The following RIMS2 variants were observed in gnomAD, a reference collection of about 807,000 sequenced individuals.
The protein encoded by RIMS2 is regulating synaptic membrane exocytosis protein 2.
RIMS2 carries 59 observed loss-of-function variants against 174.4 expected under a neutral mutation model. That is an observed-to-expected ratio of 0.34 (90% CI 0.27 to 0.42). The LOEUF (loss-of-function observed/expected upper bound fraction) is 0.42, where lower values mean the gene tolerates loss of function less well. RIMS2 is among the 10% of genes least tolerant of loss of function. The probability of loss-of-function intolerance (pLI) is 1.00; values close to 1 mark genes in which losing one functional copy is unlikely to be tolerated. For synonymous variants in RIMS2, 606 were observed against 572.5 expected (o/e 1.06, Z -0.84); for missense variants, 1,620 against 1,666.3 (o/e 0.97, Z 0.48).
chr8:104,007,095 T>C (rs553710866), intron 17 of RIMS2, among the ~76,000 whole-genome samples: 8 of 152,174 alleles, frequency 5.3e-5, no homozygotes, highest in Admixed American at 1.3e-4. Context: ...AGTTTGCTCA[T>C]TTCTAAAGTG....
intron 19 of RIMS2, among the ~76,000 whole-genome samples, chr8:104,192,033 T>C (rs2099000506): frequency 6.6e-6 from 1 of 152,198 alleles, no homozygotes; most frequent in Non-Finnish European, 1.5e-5. Flanking sequence ...CACTATACTA[T>C]GTATGAGCCA....
chr8:103,576,267 G>A (rs748380865), intron 1 of RIMS2, among the ~76,000 whole-genome samples: 3 of 152,158 alleles, frequency 2.0e-5, no homozygotes, highest in South Asian at 2.1e-4. Flanking sequence ...GTGCCAAAAC[G>A]GTGGCAGCAA....
In RIMS2 at chr8:103,552,527, A is replaced by T. The variant is rs954803750; in HGVS notation, c.176+51465A>T. ...GAAAACCTAGGCAATAGCATTCAGG[A>T]CATAAGCATGGGCAAGGACTTCATG... On this transcript the variant is annotated intron_variant, in intron 1 of 23. Transcript: ENST00000504942. Among the ~76,000 whole-genome samples the T allele has an allele frequency of 3.7e-4, 57 of 152,250 alleles. 1 individual carries two copies. Among genetic ancestry groups the T allele is most frequent in the Admixed American group, 1.3e-4 (2 of 15,288 alleles).
chr8:104,044,473 G>T (rs1200272803), intron 19 of RIMS2, among the ~76,000 whole-genome samples: 1 of 150,784 alleles, frequency 6.6e-6, no homozygotes, highest in African/African-American at 2.4e-5. Flanking sequence ...ACTTGGTTGG[G>T]AGAATTTGAA....
intron 19 of RIMS2, among the ~76,000 whole-genome samples, chr8:104,143,661 A>T (rs1409103983): frequency 6.6e-6 from 1 of 152,194 alleles, no homozygotes; most frequent in African/African-American, 2.4e-5. Context: ...TGAACAGTAC[A>T]AGCCTTATCA....
chr8:104,013,513 G>A (rs776394480), exon 18 of RIMS2: 28 of 1,613,746 alleles, frequency 1.7e-5, no homozygotes, highest in East Asian at 4.5e-5. Flanking sequence ...CTCCTTGAGC[G>A]GACCACCACC....
intron 14 of RIMS2, among the ~76,000 whole-genome samples, chr8:103,959,937 A>G (rs1401053269): frequency 6.6e-6 from 1 of 152,190 alleles, no homozygotes. Flanking sequence ...CATCACAATT[A>G]AAAGAACTAG....
intron 3 of RIMS2, among the ~76,000 whole-genome samples, chr8:103,857,853 A>G (rs1309788562): frequency 6.6e-6 from 1 of 152,208 alleles, no homozygotes; most frequent in East Asian, 1.9e-4. Flanking sequence ...CAAAAAGCTC[A>G]TCTTTTCATT....
At chr8:103,740,890 A>G (rs1242511992) in intron 2 of RIMS2, among the ~76,000 whole-genome samples, 1 of 152,002 alleles carries the variant, frequency 6.6e-6, no homozygotes, top group African/African-American at 2.4e-5. Flanking sequence ...TTTTTATTGA[A>G]TTTTTATTTA....
At chr8:103,547,873 T>C (rs938181651) in intron 1 of RIMS2, among the ~76,000 whole-genome samples, 1 of 152,040 alleles carries the variant, frequency 6.6e-6, no homozygotes, top group Non-Finnish European at 1.5e-5. Context: ...TCAGAAACTA[T>C]GATGAACACC....
chr8:104,173,920 G>GATTTATTTATTTATTTATTT (rs71297263), intron 19 of RIMS2, among the ~76,000 whole-genome samples: 9 of 139,018 alleles, frequency 6.5e-5, no homozygotes, highest in Admixed American at 2.9e-4. Flanking sequence ...AATGTTAAAG[G>GATTTATTTATTTATTTATTT]ATTTATTTAT....
chr8:103,961,055 T>C lies in RIMS2; in HGVS notation c.2702-10T>C. 1 of 1,381,888 alleles carries C rather than the reference T, an allele frequency of 7.2e-7. No homozygotes were observed. Among genetic ancestry groups the C allele is most frequent in the Admixed American group, 1.7e-5 (1 of 58,802 alleles). 85.6% of individuals were successfully genotyped at this position (1,381,888 alleles called of 1,614,324 possible). A position where few individuals can be genotyped will look rare whatever the true frequency, so the allele number is the denominator to read the frequency against. On this transcript the variant is annotated splice_polypyrimidine_tract_variant and intron_variant, in intron 14 of 23. Transcript: ENST00000504942. ...AGAATTTTTAATTATTGCTATTGTT[T>C]ACTTTATAGGGTCAAAGAGAATAAG...
chr8:103,892,610 A>G (rs2154521896), intron 4 of RIMS2, among the ~76,000 whole-genome samples: 1 of 152,238 alleles, frequency 6.6e-6, no homozygotes, highest in East Asian at 1.9e-4. Flanking sequence ...ATCTTATGCT[A>G]AATAATTATT....
At chr8:103,742,966 T>C (rs763244475) in intron 2 of RIMS2, among the ~76,000 whole-genome samples, 13 of 152,194 alleles carry the variant, frequency 8.5e-5, no homozygotes, top group Non-Finnish European at 1.9e-4. Context: ...TAAGATAGCG[T>C]ACCATGAACA....
At chr8:104,033,936 T>G (rs1044147815) in intron 19 of RIMS2, among the ~76,000 whole-genome samples, 1 of 152,174 alleles carries the variant, frequency 6.6e-6, no homozygotes, top group Non-Finnish European at 1.5e-5. Flanking sequence ...GAGTTATTTC[T>G]CTTATGTTTA....
At chr8:104,081,961 G>A (rs1218518493) in intron 19 of RIMS2, among the ~76,000 whole-genome samples, 7 of 151,944 alleles carry the variant, frequency 4.6e-5, no homozygotes, top group Non-Finnish European at 7.4e-5. Flanking sequence ...TGTTTTTTAA[G>A]GCATTTGAAT....
intron 4 of RIMS2, among the ~76,000 whole-genome samples, chr8:103,887,992 G>T (rs956541233): frequency 1.3e-5 from 2 of 151,420 alleles, no homozygotes; most frequent in African/African-American, 2.4e-5. Context: ...GACCCTTGAA[G>T]TATTTTATTT....
At chr8:103,928,613 A>T (rs898663635) in intron 11 of RIMS2, among the ~76,000 whole-genome samples, 10 of 151,214 alleles carry the variant, frequency 6.6e-5, no homozygotes, top group East Asian at 1.9e-4. Flanking sequence ...TGTTGTTTTT[A>T]AAAAATTTGT....
At chr8:103,596,165 A>G (rs2133513116) in intron 1 of RIMS2, among the ~76,000 whole-genome samples, 1 of 152,164 alleles carries the variant, frequency 6.6e-6, no homozygotes, top group South Asian at 2.1e-4. Context: ...CAATTTCTAA[A>G]TTTCATAATT....
Sources: allele counts gnomAD v4.1 joint callset (sites outside exome capture counted in the v4.1 genomes callset), GRCh38; gene constraint gnomAD v4.1.1; transcripts MANE v1.5; gene names NCBI Gene and HGNC (gene_info 2026-07-23, HGNC 2026-07-21).